Variants in ENO4 observed in about 807,000 individuals in gnomAD.
ENO4 encodes the protein enolase 4.
ENO4 carries 53 observed loss-of-function variants against 63.2 expected under a neutral mutation model. That is an observed-to-expected ratio of 0.84 (90% CI 0.67 to 1.05). ENO4 has a LOEUF of 1.05. Among genes scored for constraint, ENO4 ranks in the 50% least tolerant of loss-of-function variants. ENO4 has a pLI of 0.00. For missense variants in ENO4, 719 were observed against 772.0 expected, an observed-to-expected ratio of 0.93 and a Z score of 0.81; for synonymous variants, 266 against 283.8, an observed-to-expected ratio of 0.94 and a Z score of 0.63.
At chr10:116,879,821 G>C (rs1165682095) in intron 12 of ENO4, 48 bp from the exon 13 acceptor site, 4 of 1,374,490 alleles carry the variant, frequency 2.9e-6, no homozygotes, top group East Asian at 2.5e-5. Context: ...TTGTCGTTTA[G>C]CAAGACATGG....
At chr10:116,849,813 C>T (rs1011320014) in intron 1 of ENO4, 82 bp downstream of exon 1, 34 of 1,412,176 alleles carry the variant, frequency 2.4e-5, no homozygotes, top group Non-Finnish European at 3.0e-5. Flanking sequence ...GCGCCTGCGC[C>T]TGCGCCTCAG....
At chr10:116,902,996 A>G (rs1020436999) in intron 10 of ENO4, among the ~76,000 whole-genome samples, 21 of 152,204 alleles carry the variant, frequency 1.4e-4, no homozygotes, top group Admixed American at 4.6e-4. Context: ...TCAGTATAAT[A>G]GCGTAACATA....
intron 1 of ENO4, among the ~76,000 whole-genome samples, chr10:116,851,743 A>G (rs926005987): frequency 4.6e-5 from 7 of 151,644 alleles, no homozygotes; most frequent in Non-Finnish European, 7.4e-5. Flanking sequence ...TAACAGGCGC[A>G]TCTCCCACTC....
Position 116,888,356 on chromosome 10 carries a change from C to A in ENO4, c.1194+8370C>A, listed in dbSNP as rs186046519. ...ATTTAAAAGCCTGTGATGGGAGAAG[C>A]AGAACAACTATGAGTAATATTAAGG... On this transcript the variant is annotated intron_variant, in intron 10 of 10. Transcript: ENST00000369207. Among the ~76,000 whole-genome samples, 1,338 of 152,270 alleles carry A rather than the reference C, an allele frequency of 8.8e-3. 20 individuals carry two copies. Among genetic ancestry groups the A allele is most frequent in the Middle Eastern group, 0.024 (7 of 294 alleles).
At chr10:116,893,301 T>G (rs1422946074) in intron 10 of ENO4, among the ~76,000 whole-genome samples, 6 of 152,142 alleles carry the variant, frequency 3.9e-5, no homozygotes, top group African/African-American at 1.4e-4. Flanking sequence ...AATTTTGTTG[T>G]TAAAACTTAA....
intron 1 of ENO4, among the ~76,000 whole-genome samples, chr10:116,853,367 T>C (rs1050761170): frequency 6.6e-6 from 1 of 152,116 alleles, no homozygotes; most frequent in Non-Finnish European, 1.5e-5. Context: ...ACAGTTAATT[T>C]TTGTGGAACT....
At chr10:116,884,387 T>A (rs1248583052), downstream of ENO4, 1 of 404,172 alleles carries the variant, frequency 2.5e-6, no homozygotes, top group African/African-American at 2.1e-5. Context: ...AAATGCTTTG[T>A]AATCACAGTG....
rs993756355 is a variant in ENO4, at chr10:116,856,377, A to T, written c.295-115A>T. 5.4e-5 allele frequency: 43 copies of T among 791,528 alleles called. No individual in the cohort carries two copies. In the South Asian group the frequency reaches 6.0e-4, roughly 11 times the overall value. The allele number at this position is 791,528 out of a possible 1,614,324, so 49.0% of individuals were successfully genotyped here. On this transcript the variant is annotated intron_variant, in intron 2 of 13. Coordinates refer to ENST00000341276, the MANE Select transcript of ENO4 (RefSeq NM_001242699.2). ...ATCTCAAAGAAAATTATATATTCTC[A>T]TTGTCCCCTTGAAATTGGTGGTAAA...
At chr10:116,876,323 C>T (rs1476158329) in intron 11 of ENO4, 63 bp downstream of exon 11, 41 of 1,234,810 alleles carry the variant, frequency 3.3e-5, no homozygotes, top group Non-Finnish European at 1.1e-6. Flanking sequence ...ACCAAAAATA[C>T]ACAGCATATC....
At chr10:116,907,837 G>T in intron 10 of ENO4, 1 of 512,320 alleles carries the variant, frequency 2.0e-6, no homozygotes, top group South Asian at 1.4e-5. Context: ...GTCCACCAAG[G>T]CTAATAATCT....
At chr10:116,871,970 G>A (rs554470875) in intron 9 of ENO4, among the ~76,000 whole-genome samples, 5 of 152,326 alleles carry the variant, frequency 3.3e-5, no homozygotes, top group African/African-American at 1.2e-4. Flanking sequence ...GCCGAGGTGG[G>A]TGGATCACCT....
rs553159496 is a variant in ENO4 at position 116,901,378 on chromosome 10, C to T, written c.1195-10121C>T. On this transcript the variant is annotated intron_variant, in intron 10 of 10. Coordinates refer to the ENO4 transcript ENST00000369207. Reference sequence around the variant, plus strand: ...AAGAAGGTTGTAAAAACGTGCCCTTCTAAGTAGTCTCTGAAAGATCTAGTA... The same window carrying T: ...AAGAAGGTTGTAAAAACGTGCCCTTTTAAGTAGTCTCTGAAAGATCTAGTA... The T allele has an allele frequency of 1.2e-4, 118 of 985,228 alleles. 1 individual carries two copies. Among genetic ancestry groups the T allele is most frequent in the Admixed American group, 9.2e-4 (15 of 16,258 alleles). 61.0% of individuals were successfully genotyped at this position (985,228 alleles called of 1,614,324 possible).
chr10:116,880,005 CTT>C lies in ENO4; in HGVS notation c.1723+21_1723+22del, dbSNP rs752201736. The C allele has an allele frequency of 9.9e-6, 15 of 1,508,916 alleles. No individual in the cohort carries two copies. The highest frequency in any genetic ancestry group is 7.3e-5 in the South Asian group (6 of 82,092). 93.5% of individuals were successfully genotyped at this position (1,508,916 alleles called of 1,614,324 possible). On this transcript the variant is annotated intron_variant, in intron 13 of 13. Coordinates refer to ENST00000341276, the MANE Select transcript of ENO4 (RefSeq NM_001242699.2). ...ACACTGGGTATGCGCTGCTTTCTTG[CTT>C]TGTTTCCACTTAGCCATGAATAAGA...
intron 4 of ENO4, among the ~76,000 whole-genome samples, chr10:116,859,673 C>A (rs1273732570): frequency 6.6e-6 from 1 of 152,158 alleles, no homozygotes; most frequent in African/African-American, 2.4e-5. Flanking sequence ...TCTGGAGCTG[C>A]TCTTGGTATA....
At chr10:116,904,631 A>G (rs1003333079) in intron 10 of ENO4, among the ~76,000 whole-genome samples, 11 of 152,188 alleles carry the variant, frequency 7.2e-5, no homozygotes, top group Non-Finnish European at 1.5e-4. Flanking sequence ...ATATTTGTAT[A>G]TTGGTGGAAT....
chr10:116,866,661 C>T (rs1265075487), intron 7 of ENO4, among the ~76,000 whole-genome samples: 1 of 151,934 alleles, frequency 6.6e-6, no homozygotes. Context: ...AAAAATTAGT[C>T]CAGTGTGGTG....
rs192653573 is a variant in ENO4 at position 116,897,650 on chromosome 10, A to G, written c.1195-13849A>G. On this transcript the variant is annotated intron_variant, in intron 10 of 10. Coordinates refer to the ENO4 transcript ENST00000369207. ...AGGAATTTATTAAAATGCTTTTCCT[A>G]TATGATCTAATTTACATGACAGTCC... Among the ~76,000 whole-genome samples, 372 of 152,312 alleles carry G rather than the reference A, an allele frequency of 2.4e-3. 1 individual carries two copies. The highest frequency in any genetic ancestry group is 8.4e-3 in the African/African-American group (350 of 41,576).
intron 8 of ENO4, among the ~76,000 whole-genome samples, chr10:116,869,689 C>T (rs547978195): frequency 6.6e-6 from 1 of 152,320 alleles, no homozygotes; most frequent in East Asian, 1.9e-4. Flanking sequence ...GCTGTGCCTT[C>T]ATCCCAGCAG....
In ENO4 at chr10:116,859,641, C is replaced by G. The variant is rs1019700429; in HGVS notation, c.634+503C>G. ...ATGCCTTCCAACAGATTGCTAACCT[C>G]AGCCCCTGCAGTACTGTTCATTCTG... is the stretch of plus-strand genomic sequence containing the variant. On this transcript the variant is annotated intron_variant, in intron 4 of 13. Transcript: ENST00000341276. 6.6e-5 allele frequency among the ~76,000 whole-genome samples: 10 copies of G among 152,222 alleles called. 1 individual carries two copies. The South Asian group carries it at 1.0e-3, about 16-fold the overall frequency.
Sources: allele counts gnomAD v4.1 joint callset (sites outside exome capture counted in the v4.1 genomes callset), GRCh38; gene constraint gnomAD v4.1.1; transcripts MANE v1.5; gene names NCBI Gene and HGNC (gene_info 2026-07-23, HGNC 2026-07-21).